KIF18A: variants seen among roughly 807,000 people sequenced by gnomAD.
KIF18A encodes kinesin-like protein KIF18A.
A neutral mutation model predicts 103.3 loss-of-function variants in KIF18A; 67 were observed. The ratio of observed to expected loss-of-function variants is 0.65; its 90% CI spans 0.53 to 0.79. The LOEUF (loss-of-function observed/expected upper bound fraction) is 0.79. Among genes scored for constraint, KIF18A ranks in the 30% least tolerant of loss-of-function variants. KIF18A has a pLI of 0.00. For missense variants in KIF18A, 1,032 were observed against 1,062.5 expected, an observed-to-expected ratio of 0.97 and a Z score of 0.40; for synonymous variants, 367 against 355.5, an observed-to-expected ratio of 1.03 and a Z score of -0.36.
chr11:28,096,864 ATCTCTC>A (rs4029361), intron 2 of KIF18A, among the ~76,000 whole-genome samples: 10 of 147,956 alleles, frequency 6.8e-5, no homozygotes, highest in Non-Finnish European at 1.2e-4. Context: ...CATCTTGGGT[ATCTCTC>A]TCTCTCTCTC....
chr11:28,097,557 AGAT>A (rs1346763108), intron 2 of KIF18A, 63 bp downstream of exon 2: 2 of 1,003,916 alleles, frequency 2.0e-6, no homozygotes, highest in Non-Finnish European at 3.2e-6. Context: ...AGGGTCAAGT[AGAT>A]GTCCGTCCTA....
At chr11:28,051,865 A>G (rs192193752) in intron 13 of KIF18A, among the ~76,000 whole-genome samples, 6 of 152,138 alleles carry the variant, frequency 3.9e-5, no homozygotes, top group Admixed American at 3.3e-4. Flanking sequence ...ACTTGGATGT[A>G]TCTTAGACAA....
rs191443337 is a variant in KIF18A at position 28,088,054 on chromosome 11, T to C, written c.897+470A>G. On this transcript the variant is annotated intron_variant, in intron 6 of 16. Coordinates refer to ENST00000263181, the MANE Select transcript of KIF18A (RefSeq NM_031217.4). ...TAGTAAACATTACCTTATTAGGTGA[T>C]TTCATGACATTTTATAACTTAAACC... 1.4e-3 allele frequency among the ~76,000 whole-genome samples: 220 copies of C among 152,186 alleles called. 1 individual carries two copies. The highest frequency in any genetic ancestry group is 2.6e-3 in the Non-Finnish European group (174 of 67,994).
intron 1 of KIF18A, among the ~76,000 whole-genome samples, chr11:28,106,913 G>A (rs1006462358): frequency 1.2e-4 from 19 of 152,188 alleles, no homozygotes; most frequent in African/African-American, 4.3e-4. Flanking sequence ...GGAGGTTGCA[G>A]TGAGCAGCGA....
intron 15 of KIF18A, among the ~76,000 whole-genome samples, chr11:28,031,260 T>C (rs1208558989): frequency 6.6e-6 from 1 of 152,110 alleles, no homozygotes; most frequent in African/African-American, 2.4e-5. Context: ...CTATTCACAA[T>C]AGCAAAGACT....
At chr11:28,093,663 G>A (rs1851331809) in intron 3 of KIF18A, among the ~76,000 whole-genome samples, 1 of 151,990 alleles carries the variant, frequency 6.6e-6, no homozygotes, top group Non-Finnish European at 1.5e-5. Context: ...ATTACAGAAA[G>A]GGATTATAAT....
intron 13 of KIF18A, among the ~76,000 whole-genome samples, chr11:28,048,128 A>G (rs1482835270): frequency 6.6e-6 from 1 of 152,174 alleles, no homozygotes; most frequent in Non-Finnish European, 1.5e-5. Context: ...ACATGAAAAA[A>G]TGTTCACCTT....
intron 9 of KIF18A, among the ~76,000 whole-genome samples, chr11:28,079,127 G>A (rs575233775): frequency 6.6e-6 from 1 of 152,116 alleles, no homozygotes; most frequent in Admixed American, 6.5e-5. Flanking sequence ...CCTGAGAGGA[G>A]GGCCTTACCA....
intron 9 of KIF18A, among the ~76,000 whole-genome samples, chr11:28,077,639 A>C (rs1186749142): frequency 6.6e-6 from 1 of 152,200 alleles, no homozygotes; most frequent in African/African-American, 2.4e-5. Context: ...TAGGAGGCAT[A>C]ATCATATGGT....
chr11:28,031,268 A>T (rs1850401552), intron 15 of KIF18A, among the ~76,000 whole-genome samples: 1 of 152,146 alleles, frequency 6.6e-6, no homozygotes, highest in African/African-American at 2.4e-5. Flanking sequence ...AATAGCAAAG[A>T]CTTGTACCCA....
chr11:28,054,027 G>A (rs1213011047), intron 13 of KIF18A, among the ~76,000 whole-genome samples: 1 of 151,634 alleles, frequency 6.6e-6, no homozygotes, highest in East Asian at 1.9e-4. Context: ...TTTGCATAAT[G>A]GGCATTTATC....
intron 13 of KIF18A, among the ~76,000 whole-genome samples, chr11:28,041,490 C>T (rs963938524): frequency 6.6e-6 from 1 of 151,740 alleles, no homozygotes; most frequent in Non-Finnish European, 1.5e-5. Flanking sequence ...GTTAGAGGGA[C>T]AGGCAGAATA....
chr11:28,069,554 A>G, intron 10 of KIF18A, 131 bp from the exon 11 acceptor site: 1 of 813,100 alleles, frequency 1.2e-6, no homozygotes, highest in African/African-American at 1.8e-5. Context: ...TTGTATTTAA[A>G]GCTATTTCCC....
intron 3 of KIF18A, among the ~76,000 whole-genome samples, chr11:28,093,196 A>T (rs1851326073): frequency 2.0e-5 from 3 of 152,324 alleles, no homozygotes; most frequent in Admixed American, 2.0e-4. Context: ...CCCAGTTATA[A>T]AAAGGATCTA....
intron 9 of KIF18A, among the ~76,000 whole-genome samples, chr11:28,078,596 A>T (rs1851124989): frequency 6.6e-6 from 1 of 152,178 alleles, no homozygotes; most frequent in Non-Finnish European, 1.5e-5. Context: ...ATTCAAGTTA[A>T]AAGTATCTGC....
At position 28,069,251 on chromosome 11, in the gene KIF18A, A is replaced by ATT; in HGVS notation, c.1590+6_1590+7dup. On this transcript the variant is annotated splice_region_variant and intron_variant, in intron 11 of 16. Coordinates refer to ENST00000263181, the MANE Select transcript of KIF18A (RefSeq NM_031217.4). ...AAATTAAATCTGAACATACAGAGATATTTGTACCTTTGGAATATGACCGTT... is the reference window on the plus strand; with the variant it reads ...AAATTAAATCTGAACATACAGAGATATTTTTGTACCTTTGGAATATGACCGTT... The ATT allele has an allele frequency of 1.2e-6, 2 of 1,607,694 alleles. No homozygotes were observed. The highest frequency in any genetic ancestry group is 2.7e-5 in the African/African-American group (2 of 74,882).
intron 10 of KIF18A, among the ~76,000 whole-genome samples, chr11:28,073,234 T>C (rs1174274677): frequency 1.3e-5 from 2 of 152,034 alleles, no homozygotes. Flanking sequence ...GGAGTGGGAA[T>C]TGGCACGAAG....
chr11:28,048,049 T>C (rs1016624448), intron 13 of KIF18A, among the ~76,000 whole-genome samples: 46 of 151,856 alleles, frequency 3.0e-4, no homozygotes, highest in Admixed American at 2.6e-3. Context: ...CAAAACAAAA[T>C]GGATAAGAGC....
intron 1 of KIF18A, 143 bp from the exon 2 acceptor site, chr11:28,098,136 C>T (rs977669397): frequency 1.5e-5 from 8 of 523,842 alleles, no homozygotes; most frequent in African/African-American, 3.9e-5. Context: ...TACATACATA[C>T]GTAGGCACAC....
Sources: gnomAD v4.1 joint callset for allele counts (sites outside exome capture counted in the v4.1 genomes callset) on GRCh38, gnomAD v4.1.1 for gene constraint, MANE v1.5 for transcripts, NCBI Gene and HGNC (gene_info 2026-07-23, HGNC 2026-07-21) for gene names.